Variants in XIAP observed in about 807,000 individuals in gnomAD.
XIAP encodes X-linked inhibitor of apoptosis.
In XIAP, 3 loss-of-function variants were observed where a neutral mutation model predicts 33.1. The observed-to-expected ratio is 0.09, with a 90% CI of 0.04 to 0.23. The LOEUF (loss-of-function observed/expected upper bound fraction) is 0.23, where lower values mean the gene tolerates loss of function less well. Ranked by LOEUF, XIAP falls within the 10% of genes least tolerant of loss-of-function variation. The pLI is 1.00. For synonymous variants in XIAP, 98 were observed against 121.3 expected, an observed-to-expected ratio of 0.81 and a Z score of 1.26; for missense variants, 264 against 363.0, an observed-to-expected ratio of 0.73 and a Z score of 2.22.
At chrX:123,893,418 G>T (rs1237967645) in intron 5 of XIAP, among the ~76,000 whole-genome samples, 3 of 109,995 alleles carry the variant, frequency 2.7e-5, no homozygotes, top group Non-Finnish European at 3.8e-5. Flanking sequence ...ACGTACTTGG[G>T]AGGCTGAGGC....
At position 123,886,338 on chromosome X, in the gene XIAP, A is replaced by C; in HGVS notation, c.676A>C (p.Asn226His). Reference sequence around the variant, plus strand: ...GTCAGAACACAGGCGACACTTTCCTAATTGCTTCTTTGTTTTGGGCCGGAA... The same window carrying C: ...GTCAGAACACAGGCGACACTTTCCTCATTGCTTCTTTGTTTTGGGCCGGAA... ...AWSEHRRHFP[N>H]CFFVLGRNLN... is the part of the protein sequence containing the mutation. The change falls in exon 2 of 7, where the codon AAT becomes CAT. Residue 226 changes from asparagine to histidine, a missense_variant. Transcript: ENST00000371199. The C allele has an allele frequency of 8.3e-7, 1 of 1,211,852 alleles. No homozygotes were observed. Among genetic ancestry groups the C allele is most frequent in the Non-Finnish European group, 1.1e-6 (1 of 895,591 alleles).
chrX:123,898,567 G>A lies in XIAP; in HGVS notation c.1100-1926G>A, dbSNP rs751077527. Among the ~76,000 whole-genome samples the A allele has an allele frequency of 9.2e-5, 10 of 109,223 alleles. No homozygotes were observed. In the Admixed American group the frequency reaches 9.9e-4, roughly 11 times the overall value. The allele number at this position is 109,223 out of a possible 115,157, so 94.8% of individuals were successfully genotyped here. ...TTTTTTGGTATTTTTTGCAGAGACG[G>A]GGTTTTGAACTCCTAGGCTCAAGCG... is the stretch of plus-strand genomic sequence containing the variant. On this transcript the variant is annotated intron_variant, in intron 5 of 6. Coordinates refer to ENST00000371199, the MANE Select transcript of XIAP (RefSeq NM_001167.4).
intron 2 of XIAP, among the ~76,000 whole-genome samples, chrX:123,887,713 G>A (rs2053364666): frequency 9.0e-6 from 1 of 111,602 alleles, no homozygotes; most frequent in African/African-American, 3.3e-5. Context: ...GCCGGGCGCG[G>A]TGGCTCCCGC....
chrX:123,875,686 T>C (rs772387683), intron 1 of XIAP, among the ~76,000 whole-genome samples: 48 of 95,990 alleles, frequency 5.0e-4, no homozygotes, highest in African/African-American at 2.0e-3. Context: ...CTTTTTCTTA[T>C]AGATTTTTTT....
intron 1 of XIAP, among the ~76,000 whole-genome samples, chrX:123,880,268 G>A (rs983707619): frequency 2.0e-4 from 21 of 105,664 alleles, no homozygotes; most frequent in African/African-American, 7.3e-4. Context: ...CAAAATTGCC[G>A]GGTGTGGTGG....
At chrX:123,862,058 G>GT (rs751553580) in intron 1 of XIAP, among the ~76,000 whole-genome samples, 180 of 109,249 alleles carry the variant, frequency 1.6e-3, no homozygotes, top group African/African-American at 4.3e-3. Context: ...TTAGCATGGT[G>GT]TTTTTTTTTA....
intron 6 of XIAP, among the ~76,000 whole-genome samples, chrX:123,903,293 A>G (rs1356023619): frequency 9.5e-6 from 1 of 105,642 alleles, no homozygotes; most frequent in Non-Finnish European, 1.9e-5. Flanking sequence ...GGTTCAAGCA[A>G]TTCTCCTGCC....
At chrX:123,874,095 G>A (rs2148076994) in intron 1 of XIAP, among the ~76,000 whole-genome samples, 1 of 111,459 alleles carries the variant, frequency 9.0e-6, no homozygotes, top group Admixed American at 9.7e-5. Flanking sequence ...CCAAAACTTT[G>A]CATTACCAGG....
intron 1 of XIAP, among the ~76,000 whole-genome samples, chrX:123,869,386 C>T: frequency 1.9e-5 from 1 of 52,025 alleles, no homozygotes; most frequent in African/African-American, 8.4e-5. Context: ...AAAAAAAAAG[C>T]TGGGTCATGC....
At chrX:123,872,991 G>A (rs1056708543) in intron 1 of XIAP, 2 of 110,626 alleles carry the variant, frequency 1.8e-5, no homozygotes, top group Non-Finnish European at 3.8e-5. Flanking sequence ...TTCCTGAGTA[G>A]CTGGGACTAC....
chrX:123,910,069 A>G lies in XIAP; in HGVS notation c.*2888A>G, dbSNP rs1016330565. ...ACTTATTTTACATTTTAGTCATGCA[A>G]AGATTCAAGTAGTTTTGCAATAAGT... On this transcript the variant is annotated 3_prime_UTR_variant, in exon 7 of 7. Coordinates refer to ENST00000371199, the MANE Select transcript of XIAP (RefSeq NM_001167.4). The G allele has an allele frequency of 1.0e-4, 33 of 327,209 alleles. No individual in the cohort carries two copies. The highest frequency in any genetic ancestry group is 7.7e-4 in the African/African-American group (29 of 37,707). The allele number at this position is 327,209 out of a possible 1,213,427, so 27.0% of individuals were successfully genotyped here.
chrX:123,903,204 T>C (rs1049663293), intron 6 of XIAP, among the ~76,000 whole-genome samples: 2 of 59,891 alleles, frequency 3.3e-5, no homozygotes, highest in Non-Finnish European at 6.3e-5. Flanking sequence ...TTTTTTTTTT[T>C]GGAGACGGAG....
intron 5 of XIAP, among the ~76,000 whole-genome samples, chrX:123,899,150 T>G (rs867648948): frequency 2.5e-5 from 1 of 40,280 alleles, no homozygotes; most frequent in Non-Finnish European, 4.3e-5. Context: ...AAAAAATATA[T>G]ATATATATAT....
Position 123,895,757 on chromosome X carries a change from CT to C in XIAP, c.1099+2987del, listed in dbSNP as rs1226375464. On this transcript the variant is annotated intron_variant, in intron 5 of 6. Transcript: ENST00000371199. Reference sequence around the variant, plus strand: ...CTTTGTAGAAACGTCTGTTCATCTCCTTTGACTTTTTTTTTTTTTTTTGAGA... The same window carrying C: ...CTTTGTAGAAACGTCTGTTCATCTCCTTGACTTTTTTTTTTTTTTTTGAGA... Among the ~76,000 whole-genome samples the C allele has an allele frequency of 6.5e-5, 7 of 108,189 alleles. No homozygotes were observed. The East Asian group carries it at 1.7e-3, about 27-fold the overall frequency. The allele number at this position is 108,189 out of a possible 115,157, so 93.9% of individuals were successfully genotyped here.
At position 123,911,949 on chromosome X, in the gene XIAP, T is replaced by C. The variant is rs1190187104; in HGVS notation, c.*4768T>C. The C allele has an allele frequency of 3.0e-6, 1 of 329,025 alleles. No individual in the cohort carries two copies. Among genetic ancestry groups the C allele is most frequent in the Non-Finnish European group, 5.9e-6 (1 of 169,931 alleles). 27.1% of individuals were successfully genotyped at this position (329,025 alleles called of 1,213,427 possible). On this transcript the variant is annotated 3_prime_UTR_variant, in exon 7 of 7. Coordinates refer to ENST00000371199, the MANE Select transcript of XIAP (RefSeq NM_001167.4). ...AACTGAGACTCAAAGGTGATGTAAT[T>C]TGTGCAAAGATTATAGCTAATTAGT...
At chrX:123,893,003 G>A (rs749163083) in intron 5 of XIAP, among the ~76,000 whole-genome samples, 2 of 108,736 alleles carry the variant, frequency 1.8e-5, no homozygotes, top group East Asian at 5.9e-4. Flanking sequence ...TATATTTTTA[G>A]TAGAGACGGA....
chrX:123,894,876 G>A (rs915168701), intron 5 of XIAP, among the ~76,000 whole-genome samples: 4 of 110,400 alleles, frequency 3.6e-5, no homozygotes, highest in East Asian at 2.8e-4. Context: ...CCTGGAAGGC[G>A]GAGGTTTCTG....
Position 123,900,519 on chromosome X carries a change from G to T in XIAP, c.1126G>T (p.Val376Leu), listed in dbSNP as rs769889513. 6 of 1,208,485 alleles carry T rather than the reference G, an allele frequency of 5.0e-6. No homozygotes were observed. Among genetic ancestry groups the T allele is most frequent in the Non-Finnish European group, 6.7e-6 (6 of 894,416 alleles). The change falls in exon 6 of 7, where the codon GTA becomes TTA. Residue 376 changes from valine to leucine, a missense_variant. Physicochemically the swap from Val to Leu is conservative, Grantham distance 32. Transcript: ENST00000371199. The stretch of plus-strand genomic sequence containing the variant: ...TGATACCATCTTCCAAAATCCTATG[G>T]TACAAGAAGCTATACGAATGGGGTT... Reference protein sequence around the residue: ...IDDTIFQNPMVQEAIRMGFSF... With the variant: ...IDDTIFQNPMLQEAIRMGFSF...
At chrX:123,896,848 C>T (rs2148102664) in intron 5 of XIAP, among the ~76,000 whole-genome samples, 1 of 109,812 alleles carries the variant, frequency 9.1e-6, no homozygotes, top group East Asian at 2.8e-4. Context: ...TCCCAAAGTG[C>T]TGGAATTACA....
Sources: allele counts gnomAD v4.1 joint callset (sites outside exome capture counted in the v4.1 genomes callset), GRCh38; gene constraint gnomAD v4.1.1; transcripts MANE v1.5; gene names NCBI Gene and HGNC (gene_info 2026-07-23, HGNC 2026-07-21).